Variants in CPNE5 observed in about 807,000 individuals in gnomAD.
CPNE5 encodes copine-5.
Under a neutral mutation model 81.1 loss-of-function variants are expected in CPNE5, and 42 were observed. The observed-to-expected ratio is 0.52, with a 90% CI of 0.40 to 0.67. CPNE5 has a LOEUF of 0.67. CPNE5 is among the 30% of genes least tolerant of loss of function. The probability of loss-of-function intolerance (pLI) is 0.00; values close to 1 mark genes in which losing one functional copy is unlikely to be tolerated. For synonymous variants in CPNE5, 313 were observed against 321.5 expected, an observed-to-expected ratio of 0.97 and a Z score of 0.28; for missense variants, 612 against 815.5, an observed-to-expected ratio of 0.75 and a Z score of 3.04.
At chr6:36,763,602 CAAAA>C (rs55880019) in intron 11 of CPNE5, among the ~76,000 whole-genome samples, 25 of 123,102 alleles carry the variant, frequency 2.0e-4, no homozygotes, top group Admixed American at 2.5e-4. Flanking sequence ...GACTCTATCT[CAAAA>C]AAAAAAAAAA....
Position 36,742,109 on chromosome 6 carries a change from A to ACT in CPNE5, c.*158_*159insAG. On this transcript the variant is annotated 3_prime_UTR_variant, in exon 21 of 21. Coordinates refer to ENST00000244751, the MANE Select transcript of CPNE5 (RefSeq NM_020939.2). Reference sequence around the variant, plus strand: ...GTTTGGGCAATAAGTGAGGCCAAGAAATTGAGGAGGGGTCTTCAGAAGCCC... The same window carrying ACT: ...GTTTGGGCAATAAGTGAGGCCAAGAACTATTGAGGAGGGGTCTTCAGAAGCCC... 1 of 604,924 alleles carries ACT rather than the reference A, an allele frequency of 1.7e-6. No individual in the cohort carries two copies. The highest frequency in any genetic ancestry group is 2.9e-6 in the Non-Finnish European group (1 of 347,140). The allele number at this position is 604,924 out of a possible 1,614,324, so 37.5% of individuals were successfully genotyped here. A position where few individuals can be genotyped will look rare whatever the true frequency, so the allele number is the denominator to read the frequency against.
At chr6:36,775,574 C>T (rs151194977) in intron 9 of CPNE5, among the ~76,000 whole-genome samples, 7 of 152,308 alleles carry the variant, frequency 4.6e-5, no homozygotes, top group African/African-American at 1.7e-4. Flanking sequence ...CTCTCCTCCG[C>T]TTCCATCTTT....
intron 8 of CPNE5, among the ~76,000 whole-genome samples, chr6:36,786,305 C>G (rs1562136593): frequency 6.6e-6 from 1 of 152,118 alleles, no homozygotes; most frequent in Non-Finnish European, 1.5e-5. Flanking sequence ...AGCGAACACC[C>G]CACAGGCTGG....
At chr6:36,816,577 T>C (rs1396302403) in intron 3 of CPNE5, among the ~76,000 whole-genome samples, 1 of 152,190 alleles carries the variant, frequency 6.6e-6, no homozygotes, top group Non-Finnish European at 1.5e-5. Context: ...AGAGAGGTGA[T>C]TTGTTCCTGA....
chr6:36,768,655 A>G (rs908233618), intron 10 of CPNE5, among the ~76,000 whole-genome samples: 2 of 152,234 alleles, frequency 1.3e-5, no homozygotes, highest in African/African-American at 2.4e-5. Flanking sequence ...GCTGCGGTCC[A>G]GCTGACTGTG....
chr6:36,810,796 T>C (rs1265692452), intron 3 of CPNE5, among the ~76,000 whole-genome samples: 1 of 152,166 alleles, frequency 6.6e-6, no homozygotes. Flanking sequence ...CCTTGGCACC[T>C]TTCGTTTCGT....
intron 8 of CPNE5, among the ~76,000 whole-genome samples, chr6:36,785,549 G>A (rs762092818): frequency 1.1e-4 from 16 of 151,966 alleles, no homozygotes; most frequent in Non-Finnish European, 1.5e-4. Flanking sequence ...CTTAATCACC[G>A]TGCCTTACAA....
intron 1 of CPNE5, among the ~76,000 whole-genome samples, chr6:36,826,534 C>T (rs1172377623): frequency 1.3e-5 from 2 of 152,170 alleles, no homozygotes; most frequent in Admixed American, 6.5e-5. Flanking sequence ...CCCTCTGACT[C>T]GTAGGACCCC....
intron 8 of CPNE5, among the ~76,000 whole-genome samples, chr6:36,780,744 C>T (rs1194613870): frequency 1.3e-5 from 2 of 152,236 alleles, no homozygotes; most frequent in Non-Finnish European, 2.9e-5. Context: ...CATTCATTCA[C>T]TCACTCACTC....
intron 13 of CPNE5, 110 bp from the exon 14 acceptor site, chr6:36,753,205 G>T: frequency 1.3e-6 from 1 of 795,218 alleles, no homozygotes; most frequent in Non-Finnish European, 2.2e-6. Flanking sequence ...AGTTTTGCAT[G>T]CATGACTGCA....
At chr6:36,782,099 C>T (rs962836526) in intron 8 of CPNE5, among the ~76,000 whole-genome samples, 4 of 152,158 alleles carry the variant, frequency 2.6e-5, no homozygotes, top group African/African-American at 4.8e-5. Context: ...ACTGAAATAG[C>T]CATCTCTTGT....
At chr6:36,829,991 C>A (rs1355019955) in intron 1 of CPNE5, among the ~76,000 whole-genome samples, 2 of 151,958 alleles carry the variant, frequency 1.3e-5, no homozygotes, top group Non-Finnish European at 2.9e-5. Flanking sequence ...GAGATGACAC[C>A]CAACAAGTAT....
intron 1 of CPNE5, among the ~76,000 whole-genome samples, chr6:36,838,405 T>C (rs2150639708): frequency 6.6e-6 from 1 of 152,268 alleles, no homozygotes; most frequent in Non-Finnish European, 1.5e-5. Flanking sequence ...ACAGAGAGAC[T>C]GAACTAGGGA....
intron 3 of CPNE5, among the ~76,000 whole-genome samples, chr6:36,813,673 A>G (rs1039823034): frequency 1.3e-5 from 2 of 152,158 alleles, no homozygotes; most frequent in Non-Finnish European, 2.9e-5. Flanking sequence ...AATTGTTCAC[A>G]CCACTCAAAC....
intron 12 of CPNE5, among the ~76,000 whole-genome samples, chr6:36,756,775 T>C (rs1264964359): frequency 6.6e-6 from 1 of 152,138 alleles, no homozygotes; most frequent in African/African-American, 2.4e-5. Context: ...CCCCTCTCCA[T>C]CACCATCCCT....
intron 3 of CPNE5, among the ~76,000 whole-genome samples, chr6:36,805,520 C>A (rs1770513429): frequency 6.6e-6 from 1 of 152,198 alleles, no homozygotes; most frequent in Non-Finnish European, 1.5e-5. Context: ...AATCTGCATG[C>A]AGGATGTGAT....
intron 3 of CPNE5, among the ~76,000 whole-genome samples, chr6:36,810,400 C>T (rs375577258): frequency 1.2e-4 from 18 of 152,228 alleles, no homozygotes; most frequent in African/African-American, 4.1e-4. Flanking sequence ...CTAAAAGCCT[C>T]GCTGCAGAGC....
intron 8 of CPNE5, among the ~76,000 whole-genome samples, chr6:36,780,642 AGT>A (rs998599973): frequency 1.3e-5 from 2 of 152,164 alleles, no homozygotes; most frequent in Middle Eastern, 3.2e-3. Flanking sequence ...GCCCAGCCAC[AGT>A]GTGTGTGACC....
rs548403423 is a variant in CPNE5 at position 36,788,046 on chromosome 6, T to C, written c.528+3987A>G. ...ACCCCTACCTTTTCTTTTTTTTTTT[T>C]TTTTGACAGGGTCTCACTCTGTTCC... On this transcript the variant is annotated intron_variant, in intron 8 of 20. Transcript: ENST00000244751. 2.6e-5 allele frequency among the ~76,000 whole-genome samples: 4 copies of C among 151,498 alleles called. No individual in the cohort carries two copies. The South Asian group carries it at 6.3e-4, about 24-fold the overall frequency.
Sources: allele counts gnomAD v4.1 joint callset (sites outside exome capture counted in the v4.1 genomes callset), GRCh38; gene constraint gnomAD v4.1.1; transcripts MANE v1.5; gene names NCBI Gene and HGNC (gene_info 2026-07-23, HGNC 2026-07-21).